Variants in TMEM132D observed in about 807,000 individuals in gnomAD.
The protein encoded by TMEM132D is mature OL transmembrane protein.
Under a neutral mutation model 62.3 loss-of-function variants are expected in TMEM132D, and 21 were observed. The ratio of observed to expected loss-of-function variants is 0.34; its 90% CI spans 0.24 to 0.49. The LOEUF is 0.49. Among genes scored for constraint, TMEM132D ranks in the 20% least tolerant of loss-of-function variants. The pLI, the probability that TMEM132D is intolerant of heterozygous loss-of-function variation, is 0.99. For missense variants in TMEM132D, 1,346 were observed against 1,402.8 expected (o/e 0.96, Z 0.65); for synonymous variants, 621 against 575.6 (o/e 1.08, Z -1.13).
chr12:129,164,623 C>T (rs2016009), intron 5 of TMEM132D, among the ~76,000 whole-genome samples: 91,085 of 151,976 alleles, frequency 0.6, 28,015 homozygotes, highest in Non-Finnish European at 0.67. Flanking sequence ...ACAATCATGG[C>T]GGAAGGTGAA....
chr12:129,499,129 C>T (rs961060864), intron 3 of TMEM132D, among the ~76,000 whole-genome samples: 1 of 152,188 alleles, frequency 6.6e-6, no homozygotes, highest in Non-Finnish European at 1.5e-5. Flanking sequence ...CATTATTGCT[C>T]TGTGAACCTT....
intron 3 of TMEM132D, among the ~76,000 whole-genome samples, chr12:129,403,786 A>G (rs1871690865): frequency 6.6e-6 from 1 of 152,144 alleles, no homozygotes. Flanking sequence ...GGGAATAATG[A>G]GGGTGCTTAC....
chr12:129,877,653 A>AGAGC lies in TMEM132D; in HGVS notation c.79+25607_79+25608insGCTC, dbSNP rs1318738326. Among the ~76,000 whole-genome samples, 1,068 of 150,184 alleles carry AGAGC rather than the reference A, an allele frequency of 7.1e-3. 5 individuals are homozygous for AGAGC. Among genetic ancestry groups the AGAGC allele is most frequent in the Middle Eastern group, 0.01 (3 of 292 alleles). On this transcript the variant is annotated intron_variant, in intron 1 of 8. Transcript: ENST00000422113. Reference sequence around the variant, plus strand: ...CAGAGAGAGAGAGAGAGAGAGAGAGAGCGCTATAAGCTGAAGCCCATCTTG... The same window carrying AGAGC: ...CAGAGAGAGAGAGAGAGAGAGAGAGAGAGCGCGCTATAAGCTGAAGCCCATCTTG...
At position 129,818,545 on chromosome 12, in the gene TMEM132D, T is replaced by C. The variant is rs1027742846; in HGVS notation, c.79+84716A>G. On this transcript the variant is annotated intron_variant, in intron 1 of 8. Coordinates refer to ENST00000422113, the MANE Select transcript of TMEM132D (RefSeq NM_133448.3). ...TGTGTATGTGGTTTGGGTGCATATA[T>C]GTGTGTGGTGAGGTGTATGTGTGTA... 3.3e-5 allele frequency among the ~76,000 whole-genome samples: 5 copies of C among 150,138 alleles called. No homozygotes were observed. In the South Asian group the frequency reaches 1.1e-3, roughly 32 times the overall value.
intron 2 of TMEM132D, among the ~76,000 whole-genome samples, chr12:129,673,929 G>T (rs879532567): frequency 1.3e-5 from 2 of 152,174 alleles, no homozygotes; most frequent in African/African-American, 4.8e-5. Flanking sequence ...AAGGTGACAC[G>T]GGTAGGAAAA....
At position 129,073,878 on chromosome 12, in the gene TMEM132D, C is replaced by A. The variant is rs555850748; in HGVS notation, c.3297G>T (p.Val1099=). ...CCAATGTCTGTGTGTGTCTGGCTTA[C>A]ACATTTTCATGTAACCTCTCCATGT... ...HNYMERLHEN[V] Residue 1099 remains valine (V), a synonymous_variant, in exon 9 of 9, where the codon GTG becomes GTT. Coordinates refer to ENST00000422113, the MANE Select transcript of TMEM132D (RefSeq NM_133448.3). 74 of 1,531,198 alleles carry A rather than the reference C, an allele frequency of 4.8e-5. No individual in the cohort carries two copies. The highest frequency in any genetic ancestry group is 5.5e-5 in the Non-Finnish European group (63 of 1,141,156). 94.9% of individuals were successfully genotyped at this position (1,531,198 alleles called of 1,614,324 possible). A position where few individuals can be genotyped will look rare whatever the true frequency, so the allele number is the denominator to read the frequency against.
chr12:129,280,028 T>C (rs531022758), intron 4 of TMEM132D, among the ~76,000 whole-genome samples: 1 of 152,340 alleles, frequency 6.6e-6, no homozygotes, highest in East Asian at 1.9e-4. Context: ...CTCAAGACAA[T>C]GTTAATTACA....
intron 1 of TMEM132D, among the ~76,000 whole-genome samples, chr12:129,883,151 T>C (rs1301946523): frequency 6.6e-6 from 1 of 152,110 alleles, no homozygotes; most frequent in Admixed American, 6.5e-5. Context: ...CATTAACAGA[T>C]GTCTCACAAA....
rs1873993820 is a variant in TMEM132D at position 129,864,379 on chromosome 12, A to C, written c.79+38882T>G. Among the ~76,000 whole-genome samples, 9 of 152,200 alleles carry C rather than the reference A, an allele frequency of 5.9e-5. No individual in the cohort carries two copies. In the South Asian group the frequency reaches 1.9e-3, roughly 32 times the overall value. ...TCTCTCCTATAGAAACAGCAAAATC[A>C]TATGTAACTATCCTGCTTTAAGTCA... On this transcript the variant is annotated intron_variant, in intron 1 of 8. Transcript: ENST00000422113.
At chr12:129,737,880 A>G (rs1190452012) in intron 1 of TMEM132D, among the ~76,000 whole-genome samples, 1 of 152,234 alleles carries the variant, frequency 6.6e-6, no homozygotes, top group Admixed American at 6.5e-5. Context: ...AATGAGCACC[A>G]TGCTTTCACT....
chr12:129,506,064 G>T (rs1875320232), intron 3 of TMEM132D, among the ~76,000 whole-genome samples: 1 of 152,106 alleles, frequency 6.6e-6, no homozygotes, highest in African/African-American at 2.4e-5. Flanking sequence ...TATTCATCAT[G>T]CTATTTGTTG....
intron 2 of TMEM132D, among the ~76,000 whole-genome samples, chr12:129,645,155 G>C (rs567926401): frequency 9.3e-4 from 142 of 152,190 alleles, no homozygotes; most frequent in Non-Finnish European, 7.4e-4. Context: ...TCCCTTTCCT[G>C]GATCCAGGAG....
rs1444555841 is a variant in TMEM132D, at chr12:129,821,633, G to C, written c.79+81628C>G. Among the ~76,000 whole-genome samples the C allele has an allele frequency of 1.3e-5, 2 of 152,140 alleles. 1 individual carries two copies. Reference sequence around the variant, plus strand: ...ACACTGGAACAGTATTTCTGGCAGAGGCAAAAGTGCCAATCAAAACGTGCA... The same window carrying C: ...ACACTGGAACAGTATTTCTGGCAGACGCAAAAGTGCCAATCAAAACGTGCA... On this transcript the variant is annotated intron_variant, in intron 1 of 8. Transcript: ENST00000422113.
At chr12:129,830,975 C>T (rs1872810728) in intron 1 of TMEM132D, among the ~76,000 whole-genome samples, 1 of 152,146 alleles carries the variant, frequency 6.6e-6, no homozygotes, top group South Asian at 2.1e-4. Flanking sequence ...TGGCTCCCCT[C>T]CTCCCCTTCC....
At chr12:129,123,568 G>A (rs548894148) in intron 5 of TMEM132D, among the ~76,000 whole-genome samples, 21 of 151,976 alleles carry the variant, frequency 1.4e-4, no homozygotes, top group African/African-American at 3.6e-4. Context: ...AGTGATTTTC[G>A]CAAAGGATAC....
chr12:129,302,128 T>C (rs1475537111), intron 4 of TMEM132D, among the ~76,000 whole-genome samples: 1 of 152,270 alleles, frequency 6.6e-6, no homozygotes, highest in Non-Finnish European at 1.5e-5. Flanking sequence ...TTTTTTATTT[T>C]ATTTTTTGAC....
intron 3 of TMEM132D, among the ~76,000 whole-genome samples, chr12:129,395,971 C>G (rs1871417650): frequency 7.1e-6 from 1 of 141,282 alleles, no homozygotes; most frequent in Non-Finnish European, 1.5e-5. Context: ...TAATATATAT[C>G]ATATAAATAT....
At chr12:129,323,099 C>T (rs762218816) in intron 4 of TMEM132D, among the ~76,000 whole-genome samples, 1 of 152,114 alleles carries the variant, frequency 6.6e-6, no homozygotes, top group African/African-American at 2.4e-5. Context: ...TAAAAAGTCA[C>T]TTTGAACTGT....
At chr12:129,316,801 G>A (rs1233502334) in intron 4 of TMEM132D, among the ~76,000 whole-genome samples, 7 of 145,956 alleles carry the variant, frequency 4.8e-5, no homozygotes, top group Admixed American at 1.3e-4. Flanking sequence ...AGGTCTATTA[G>A]TAATTGTTGT....
Sources: allele counts gnomAD v4.1 joint callset (sites outside exome capture counted in the v4.1 genomes callset), GRCh38; gene constraint gnomAD v4.1.1; transcripts MANE v1.5; gene names NCBI Gene and HGNC (gene_info 2026-07-23, HGNC 2026-07-21).